The following KCNQ1 variants were observed in gnomAD, a reference collection of about 807,000 sequenced individuals.
The protein encoded by KCNQ1 is potassium voltage-gated channel subfamily Q member 1.
Under a neutral mutation model 72.4 loss-of-function variants are expected in KCNQ1, and 49 were observed. The ratio of observed to expected loss-of-function variants is 0.68; its 90% CI spans 0.54 to 0.86. The LOEUF is 0.86. Ranked by LOEUF, KCNQ1 falls within the 40% of genes least tolerant of loss-of-function variation. The probability of loss-of-function intolerance (pLI) is 0.00; values close to 1 mark genes in which losing one functional copy is unlikely to be tolerated. For synonymous variants in KCNQ1, 450 were observed against 412.6 expected, an observed-to-expected ratio of 1.09 and a Z score of -1.10; for missense variants, 790 against 945.1, an observed-to-expected ratio of 0.84 and a Z score of 2.15.
At chr11:2,805,611 T>G (rs1847355227) in intron 15 of KCNQ1, among the ~76,000 whole-genome samples, 1 of 152,136 alleles carries the variant, frequency 6.6e-6, no homozygotes, top group South Asian at 2.1e-4. Flanking sequence ...CTTGGCAGAG[T>G]TGAGTCGTTG....
Position 2,713,097 on chromosome 11 carries a change from A to G in KCNQ1, c.1514+51016A>G, listed in dbSNP as rs1851032933. ...TTAACAACTTTGTGAAGCATTTGGT[A>G]TTTGGGGGATTTTACATTAGGGTTA... On this transcript the variant is annotated intron_variant, in intron 11 of 15. Coordinates refer to ENST00000155840, the MANE Select transcript of KCNQ1 (RefSeq NM_000218.3). This position sits in a 1 kb window ranked among gnomAD's most constrained non-coding sequence, Gnocchi z 5.6. 6.6e-6 allele frequency among the ~76,000 whole-genome samples: 1 copy of G among 152,254 alleles called. No individual in the cohort carries two copies. The highest frequency in any genetic ancestry group is 6.5e-5 in the Admixed American group (1 of 15,294).
intron 11 of KCNQ1, among the ~76,000 whole-genome samples, chr11:2,716,525 T>G (rs1851095134): frequency 6.6e-6 from 1 of 152,214 alleles, no homozygotes; most frequent in Admixed American, 6.5e-5. Context: ...TTCCCAGGCG[T>G]GTGCTTCCCA....
intron 15 of KCNQ1, among the ~76,000 whole-genome samples, chr11:2,791,079 A>G (rs918203443): frequency 1.3e-5 from 2 of 152,210 alleles, no homozygotes; most frequent in Non-Finnish European, 2.9e-5. Context: ...TAGGCCTCCA[A>G]TATTGGCCAG....
chr11:2,472,594 G>T (rs1477521580), intron 1 of KCNQ1, among the ~76,000 whole-genome samples: 1 of 152,088 alleles, frequency 6.6e-6, no homozygotes, highest in Non-Finnish European at 1.5e-5. Flanking sequence ...AAAAAGCAAG[G>T]CAGAGCGTCT....
intron 1 of KCNQ1, among the ~76,000 whole-genome samples, chr11:2,470,941 CTT>C (rs2133596526): frequency 6.6e-6 from 1 of 152,224 alleles, no homozygotes; most frequent in South Asian, 2.1e-4. Context: ...TTTCTGTTTT[CTT>C]CCAGAAATTT....
rs983038779 is a variant in KCNQ1, at chr11:2,566,450, A to C, written c.478-4178A>C. The stretch of plus-strand genomic sequence containing the variant: ...CCCTAAGCTGCGGGTGACCTGACCT[A>C]GTTGAGCCTGGCTTTCCTCCTCTGT... On this transcript the variant is annotated intron_variant, in intron 2 of 15. Transcript: ENST00000155840. The surrounding 1 kb of genome is among the most constrained non-coding windows in gnomAD (Gnocchi z 6.7). Among the ~76,000 whole-genome samples, 4 of 151,880 alleles carry C rather than the reference A, an allele frequency of 2.6e-5. No homozygotes were observed. Among genetic ancestry groups the C allele is most frequent in the Admixed American group, 1.3e-4 (2 of 15,264 alleles).
Position 2,587,553 on chromosome 11 carries a change from C to T in KCNQ1, c.1129-17C>T, listed in dbSNP as rs374941727. The T allele has an allele frequency of 2.5e-6, 4 of 1,613,506 alleles. No homozygotes were observed. Among genetic ancestry groups the T allele is most frequent in the Non-Finnish European group, 3.4e-6 (4 of 1,179,988 alleles). ...GTGGCTCAGCAGGTGACAGCCTGTC[C>T]CCCTGCCCGACCTCAGACCGCATGG... On this transcript the variant is annotated splice_polypyrimidine_tract_variant and intron_variant, in intron 8 of 15. Transcript: ENST00000155840.
At position 2,497,285 on chromosome 11, in the gene KCNQ1, G is replaced by A. The variant is rs1391908523; in HGVS notation, c.387-30643G>A. Among the ~76,000 whole-genome samples, 5 of 152,046 alleles carry A rather than the reference G, an allele frequency of 3.3e-5. No homozygotes were observed. The highest frequency in any genetic ancestry group is 2.9e-5 in the Non-Finnish European group (2 of 68,018). On this transcript the variant is annotated intron_variant, in intron 1 of 15. Transcript: ENST00000155840. This position sits in a 1 kb window ranked among gnomAD's most constrained non-coding sequence, Gnocchi z 4.5. Reference sequence around the variant, plus strand: ...TTTCCAACTTGGTTCCATTCTCCCCGTCACTTTCAGGTACAGCAATCAATT... The same window carrying A: ...TTTCCAACTTGGTTCCATTCTCCCCATCACTTTCAGGTACAGCAATCAATT...
intron 8 of KCNQ1, among the ~76,000 whole-genome samples, chr11:2,585,810 GC>G (rs1330400542): frequency 1.3e-5 from 2 of 152,216 alleles, no homozygotes; most frequent in Non-Finnish European, 2.9e-5. Flanking sequence ...GGCTCACAAG[GC>G]CAGTGGGCTG....
chr11:2,476,505 A>C (rs763243818), intron 1 of KCNQ1, among the ~76,000 whole-genome samples: 2 of 152,196 alleles, frequency 1.3e-5, no homozygotes, highest in Admixed American at 6.5e-5. Flanking sequence ...AGTGAATGTA[A>C]ATAAGAGATA....
rs1849005480 is a variant in KCNQ1, at chr11:2,612,966, G to A, written c.1393+24112G>A. 2.5e-6 allele frequency: 1 copy of A among 398,468 alleles called. No homozygotes were observed. The highest frequency in any genetic ancestry group is 4.4e-6 in the Non-Finnish European group (1 of 226,060). The allele number at this position is 398,468 out of a possible 1,614,324, so 24.7% of individuals were successfully genotyped here. ...TCTGCAGAGTCTGTGTTCTCCTGCA[G>A]TGTGCAGCCACTGGTGTCTTTGCTC... On this transcript the variant is annotated intron_variant, in intron 10 of 15. Coordinates refer to ENST00000155840, the MANE Select transcript of KCNQ1 (RefSeq NM_000218.3). The surrounding 1 kb of genome is among the most constrained non-coding windows in gnomAD (Gnocchi z 5.5).
intron 11 of KCNQ1, among the ~76,000 whole-genome samples, chr11:2,726,712 A>T (rs1475846845): frequency 6.6e-6 from 1 of 152,150 alleles, no homozygotes; most frequent in Admixed American, 6.5e-5. Context: ...CCTGAATAGG[A>T]GCTGACTTTA....
At chr11:2,667,854 C>T (rs1564851792) in intron 11 of KCNQ1, 3 of 398,530 alleles carry the variant, frequency 7.5e-6, no homozygotes, top group Non-Finnish European at 1.3e-5. Flanking sequence ...GGGTAATGTG[C>T]ATGCACACAG....
chr11:2,770,787 A>G (rs1846582346), intron 12 of KCNQ1, among the ~76,000 whole-genome samples: 2 of 152,238 alleles, frequency 1.3e-5, no homozygotes, highest in African/African-American at 2.4e-5. Flanking sequence ...TGGTGCTGGC[A>G]TGGAGGGCCT....
At chr11:2,474,261 T>G (rs1417630249) in intron 1 of KCNQ1, among the ~76,000 whole-genome samples, 1 of 152,092 alleles carries the variant, frequency 6.6e-6, no homozygotes, top group Non-Finnish European at 1.5e-5. Context: ...CAGTGGTGAC[T>G]CTTGTGGCGC....
intron 1 of KCNQ1, among the ~76,000 whole-genome samples, chr11:2,487,459 T>G (rs1589908001): frequency 6.6e-6 from 1 of 152,194 alleles, no homozygotes; most frequent in East Asian, 1.9e-4. Flanking sequence ...ATAAATCACT[T>G]TGGGTAGTAT....
At chr11:2,614,955 G>A (rs1188715687) in intron 10 of KCNQ1, 2 of 398,224 alleles carry the variant, frequency 5.0e-6, no homozygotes, top group Non-Finnish European at 8.9e-6. Flanking sequence ...TTTGATAAGG[G>A]TTGCATTGAA....
chr11:2,668,786 C>T lies in KCNQ1; in HGVS notation c.1514+6705C>T. 1 of 398,604 alleles carries T rather than the reference C, an allele frequency of 2.5e-6. No homozygotes were observed. Among genetic ancestry groups the T allele is most frequent in the Non-Finnish European group, 4.4e-6 (1 of 226,072 alleles). The allele number at this position is 398,604 out of a possible 1,614,324, so 24.7% of individuals were successfully genotyped here. On this transcript the variant is annotated intron_variant, in intron 11 of 15. Coordinates refer to ENST00000155840, the MANE Select transcript of KCNQ1 (RefSeq NM_000218.3). This position sits in a 1 kb window ranked among gnomAD's most constrained non-coding sequence, Gnocchi z 4.3. ...TCTCTTGATGGTGTCTTTTGATGAACAGAAGGTCTTAATTTTCATGTGGTC... is the reference window on the plus strand; with the variant it reads ...TCTCTTGATGGTGTCTTTTGATGAATAGAAGGTCTTAATTTTCATGTGGTC...
intron 1 of KCNQ1, among the ~76,000 whole-genome samples, chr11:2,524,058 G>T (rs537788591): frequency 1.3e-5 from 2 of 152,298 alleles, no homozygotes; most frequent in Admixed American, 6.5e-5. Context: ...CAGGGTGACT[G>T]AGGGATGGCT....
Sources: allele counts gnomAD v4.1 joint callset (sites outside exome capture counted in the v4.1 genomes callset), GRCh38; gene constraint gnomAD v4.1.1; non-coding constraint Gnocchi (gnomAD v3.1); transcripts MANE v1.5; gene names NCBI Gene and HGNC (gene_info 2026-07-23, HGNC 2026-07-21).